The following TRMT5 variants were observed in gnomAD, a reference collection of about 807,000 sequenced individuals.
TRMT5 encodes tRNA methyltransferase 5.
TRMT5 carries 31 observed loss-of-function variants against 42.2 expected under a neutral mutation model. The ratio of observed to expected loss-of-function variants is 0.73; its 90% CI spans 0.55 to 0.99. The LOEUF is 0.99. Ranked by LOEUF, TRMT5 falls within the 50% of genes least tolerant of loss-of-function variation. The pLI is 0.00. For missense variants in TRMT5, 568 were observed against 595.0 expected (o/e 0.95, Z 0.47); for synonymous variants, 198 against 209.6 (o/e 0.94, Z 0.48).
At chr14:60,977,758 G>A (rs1000757090) in intron 2 of TRMT5, 120 bp from the exon 3 acceptor site, 3 of 903,956 alleles carry the variant, frequency 3.3e-6, no homozygotes, top group African/African-American at 3.4e-5. Flanking sequence ...TGCACCTACT[G>A]TGTGTAATGT....
intron 2 of TRMT5, among the ~76,000 whole-genome samples, chr14:60,977,994 G>C (rs1374015254): frequency 6.6e-6 from 1 of 152,160 alleles, no homozygotes; most frequent in Admixed American, 6.6e-5. Context: ...GAGATGTAAA[G>C]GACCCTGGCA....
At position 60,975,619 on chromosome 14, in the gene TRMT5, T is replaced by C; in HGVS notation, c.1300A>G (p.Arg434Gly). 6.2e-7 allele frequency: 1 copy of C among 1,614,158 alleles called. No individual in the cohort carries two copies. The highest frequency in any genetic ancestry group is 1.1e-5 in the South Asian group (1 of 91,080). ...DANPAEDVRQ[R>G]AGAVLGISLE... Reference sequence around the variant, plus strand: ...GAAATGCCTAACACAGCTCCAGCCCTTTGCCGAACATCCTCAGCAGGGTTA... The same window carrying C: ...GAAATGCCTAACACAGCTCCAGCCCCTTGCCGAACATCCTCAGCAGGGTTA... Residue 434 changes from arginine to glycine, a missense_variant, in exon 4 of 5, where the codon AGG becomes GGG. By Grantham distance (125) the Arg-to-Gly change is moderately radical. Coordinates refer to ENST00000261249, the MANE Select transcript of TRMT5 (RefSeq NM_020810.3).
rs543451651 is a variant in TRMT5, at chr14:60,979,627, T to C, written c.271A>G (p.Lys91Glu). 2.5e-6 allele frequency: 4 copies of C among 1,614,182 alleles called. No homozygotes were observed. The highest frequency in any genetic ancestry group is 2.7e-5 in the African/African-American group (2 of 75,062). ...GMTKLDRTAF[K>E]KTVNIPVLKV... is the part of the protein sequence containing the mutation. ...AGCACTGGAATGTTGACTGTCTTTTTAAAAGCTGTTCTATCAAGTTTTGTC... is the reference window on the plus strand; with the variant it reads ...AGCACTGGAATGTTGACTGTCTTTTCAAAAGCTGTTCTATCAAGTTTTGTC... Residue 91 changes from lysine to glutamate, a missense_variant, in exon 2 of 5, where the codon AAA (lysine) becomes GAA (glutamate). Coordinates refer to ENST00000261249, the MANE Select transcript of TRMT5 (RefSeq NM_020810.3).
At chr14:60,981,314 G>T (rs1435703837), upstream of TRMT5, 5 of 1,610,642 alleles carry the variant, frequency 3.1e-6, no homozygotes, top group Non-Finnish European at 4.2e-6. Context: ...CGCTGAGCGG[G>T]GCTGGTATGT....
chr14:60,973,194 T>C lies in TRMT5; in HGVS notation c.*1915A>G, dbSNP rs1397377832. 6.6e-6 allele frequency: 1 copy of C among 152,230 alleles called. No individual in the cohort carries two copies. The allele number at this position is 152,230 out of a possible 1,614,324, so 9.4% of individuals were successfully genotyped here. ...ATGACTGTACCATATCAAAGTTGTT[T>C]TGCCTTGTGTTTTAGGCCATTCTTG... On this transcript the variant is annotated 3_prime_UTR_variant, in exon 5 of 5. Coordinates refer to ENST00000261249, the MANE Select transcript of TRMT5 (RefSeq NM_020810.3).
Position 60,975,967 on chromosome 14 carries a change from T to C in TRMT5, c.952A>G (p.Lys318Glu), listed in dbSNP as rs1252506509. The C allele has an allele frequency of 1.2e-6, 2 of 1,614,190 alleles. No individual in the cohort carries two copies. Among genetic ancestry groups the C allele is most frequent in the Admixed American group, 1.7e-5 (1 of 60,024 alleles). Reference protein sequence around the residue: ...GVGPFAIPVAKKNCTVFANDL... With the variant: ...GVGPFAIPVAEKNCTVFANDL... ...TTGGCAAATACAGTGCAGTTTTTCTTTGCTACTGGAATGGCAAAGGGCCCA... is the reference window on the plus strand; with the variant it reads ...TTGGCAAATACAGTGCAGTTTTTCTCTGCTACTGGAATGGCAAAGGGCCCA... Residue 318 changes from lysine to glutamate, a missense_variant, in exon 4 of 5, where the codon AAG (lysine) becomes GAG (glutamate). Transcript: ENST00000261249.
Position 60,979,383 on chromosome 14 carries a change from T to C in TRMT5, c.515A>G (p.Asn172Ser), listed in dbSNP as rs750331726. Residue 172 changes from asparagine to serine, a missense_variant, in exon 2 of 5, where the codon AAT becomes AGT. By Grantham distance (46) the Asn-to-Ser change is conservative. Coordinates refer to ENST00000261249, the MANE Select transcript of TRMT5 (RefSeq NM_020810.3). ...LNVSPQISKY[N>S]LELTYEHFKS... ...AAAGTGTTCATATGTTAGTTCCAAA[T>C]TGTATTTAGAGATCTGTGGACTGAC... The C allele has an allele frequency of 3.1e-6, 5 of 1,614,150 alleles. No homozygotes were observed. In the East Asian group the frequency reaches 6.7e-5, roughly 22 times the overall value.
At position 60,972,462 on chromosome 14, in the gene TRMT5, G is replaced by C. The variant is rs1447924177; in HGVS notation, c.*2647C>G. The C allele has an allele frequency of 2.2e-5, 11 of 508,660 alleles. No individual in the cohort carries two copies. In the East Asian group the frequency reaches 3.3e-4, roughly 15 times the overall value. The allele number at this position is 508,660 out of a possible 1,614,324, so 31.5% of individuals were successfully genotyped here. A position where few individuals can be genotyped will look rare whatever the true frequency, so the allele number is the denominator to read the frequency against. On this transcript the variant is annotated 3_prime_UTR_variant, in exon 5 of 5. Transcript: ENST00000261249. ...AGCATCCCCTTCAGTCTTTCTCTTG[G>C]GCATGGCGGCGGCGGCGGCGGCGGG... is the stretch of plus-strand genomic sequence containing the variant.
upstream of TRMT5, chr14:60,981,109 C>T (rs1310715256): frequency 1.9e-6 from 3 of 1,580,152 alleles, no homozygotes; most frequent in Non-Finnish European, 2.6e-6. Context: ...GCGAAGAGGG[C>T]GCGCGTCATC....
intron 1 of TRMT5, 114 bp downstream of exon 1, chr14:60,980,849 C>CGGGT (rs750438504): frequency 1.3e-6 from 2 of 1,502,076 alleles, no homozygotes; most frequent in Non-Finnish European, 1.8e-6. Context: ...AGCACCTAGG[C>CGGGT]GGGTGGGTGA....
Position 60,972,485 on chromosome 14 carries a change from G to C in TRMT5, c.*2624C>G. The C allele has an allele frequency of 2.1e-6, 1 of 480,308 alleles. No individual in the cohort carries two copies. The highest frequency in any genetic ancestry group is 4.1e-6 in the Non-Finnish European group (1 of 241,286). 29.8% of individuals were successfully genotyped at this position (480,308 alleles called of 1,614,324 possible). A position where few individuals can be genotyped will look rare whatever the true frequency, so the allele number is the denominator to read the frequency against. ...TGGGCATGGCGGCGGCGGCGGCGGC[G>C]GGATGTGGGCACCGGGTGTGGGACG... On this transcript the variant is annotated 3_prime_UTR_variant, in exon 5 of 5. Coordinates refer to ENST00000261249, the MANE Select transcript of TRMT5 (RefSeq NM_020810.3).
At chr14:60,980,025 C>T (rs2036923369) in intron 1 of TRMT5, 139 bp from the exon 2 acceptor site, 1 of 966,574 alleles carries the variant, frequency 1.0e-6, no homozygotes, top group Non-Finnish European at 1.5e-6. Context: ...CTTTTCCAGA[C>T]TAGGATGACT....
In TRMT5 at chr14:60,971,583, C is replaced by G. The variant is rs769249802; in HGVS notation, c.*3526G>C. On this transcript the variant is annotated 3_prime_UTR_variant, in exon 5 of 5. Coordinates refer to ENST00000261249, the MANE Select transcript of TRMT5 (RefSeq NM_020810.3). ...TCTTCTTCAATGGACTACCAAAAAT[C>G]AGCCGCTATAAAACCCAATGAAGTC... The G allele has an allele frequency of 1.1e-5, 2 of 178,512 alleles. No homozygotes were observed. Among genetic ancestry groups the G allele is most frequent in the Non-Finnish European group, 2.3e-5 (2 of 87,948 alleles). The allele number at this position is 178,512 out of a possible 1,614,324, so 11.1% of individuals were successfully genotyped here. A position where few individuals can be genotyped will look rare whatever the true frequency, so the allele number is the denominator to read the frequency against.
chr14:60,976,057 C>G lies in TRMT5; in HGVS notation c.862G>C (p.Glu288Gln). 6.2e-7 allele frequency: 1 copy of G among 1,614,138 alleles called. No homozygotes were observed. The highest frequency in any genetic ancestry group is 8.5e-7 in the Non-Finnish European group (1 of 1,180,016). Residue 288 changes from glutamate to glutamine, a missense_variant, in exon 4 of 5, where the codon GAA (glutamate) becomes CAA (glutamine). Glu to Gln is a conservative substitution (Grantham distance 29). Transcript: ENST00000261249. ...KVYWNPRLST[E>Q]HSRITELLKP... ...AGAAGTTCTGTGATACGGCTGTGTT[C>G]TGTAGACAGACGAGGATTCCAATAG...
Position 60,975,743 on chromosome 14 carries a change from A to G in TRMT5, c.1176T>C (p.Ala392=). 1 of 1,614,234 alleles carries G rather than the reference A, an allele frequency of 6.2e-7. No individual in the cohort carries two copies. Among genetic ancestry groups the G allele is most frequent in the Non-Finnish European group, 8.5e-7 (1 of 1,180,042 alleles). The change falls in exon 4 of 5, where the codon GCT becomes GCC. Residue 392 remains alanine (A), a synonymous_variant. Transcript: ENST00000261249. ...ACTTGAAAGCACTAAGAAACTCTAT[A>G]GCTTTTGCTGGCAAGTTCATGACAA... ...VHVVMNLPAK[A]IEFLSAFKWL... is the part of the protein sequence containing the mutation.
In TRMT5 at chr14:60,975,891, T is replaced by C; in HGVS notation, c.1028A>G (p.Asn343Ser). 6.2e-7 allele frequency: 1 copy of C among 1,614,108 alleles called. No individual in the cohort carries two copies. The highest frequency in any genetic ancestry group is 2.2e-5 in the East Asian group (1 of 44,902). Residue 343 changes from asparagine (N) to serine (S), a missense_variant, in exon 4 of 5, where the codon AAT (asparagine) becomes AGT (serine). Transcript: ENST00000261249. ...GACTTTCACCTTTTGGTCCACTTTA[T>C]TTAATTTACAGTTGTACAACAGCCA... ...HKWLLYNCKL[N>S]KVDQKVKVFN...
At position 60,979,488 on chromosome 14, in the gene TRMT5, A is replaced by C; in HGVS notation, c.410T>G (p.Leu137Arg). Residue 137 changes from leucine (L) to arginine (R), a missense_variant, in exon 2 of 5, where the codon CTA becomes CGA. Transcript: ENST00000261249. ...TATTTTATAGGGATCCAACATGATT[A>C]GTCTACTTTCTTTATCTTCCGGATC... ...IEDPEDKESRLIMLDPYKIFT... is the reference protein window; with the variant it reads ...IEDPEDKESRRIMLDPYKIFT... The C allele has an allele frequency of 6.2e-7, 1 of 1,614,234 alleles. No individual in the cohort carries two copies. The highest frequency in any genetic ancestry group is 8.5e-7 in the Non-Finnish European group (1 of 1,180,032).
chr14:60,972,190 G>A lies in TRMT5; in HGVS notation c.*2919C>T. ...CTGCATTTTTATAAAACTTGATAAAGAATATTTCAAACTGTACAGTCACCA... is the reference window on the plus strand; with the variant it reads ...CTGCATTTTTATAAAACTTGATAAAAAATATTTCAAACTGTACAGTCACCA... On this transcript the variant is annotated 3_prime_UTR_variant, in exon 5 of 5. Coordinates refer to ENST00000261249, the MANE Select transcript of TRMT5 (RefSeq NM_020810.3). 1 of 461,608 alleles carries A rather than the reference G, an allele frequency of 2.2e-6. No individual in the cohort carries two copies. Among genetic ancestry groups the A allele is most frequent in the South Asian group, 1.6e-5 (1 of 60,808 alleles). The allele number at this position is 461,608 out of a possible 1,614,324, so 28.6% of individuals were successfully genotyped here. A position where few individuals can be genotyped will look rare whatever the true frequency, so the allele number is the denominator to read the frequency against.
At chr14:60,976,921 T>C (rs2036855684) in intron 3 of TRMT5, among the ~76,000 whole-genome samples, 1 of 152,174 alleles carries the variant, frequency 6.6e-6, no homozygotes, top group African/African-American at 2.4e-5. Flanking sequence ...TTAAACTCAT[T>C]AATTTATGCA....
Sources: gnomAD v4.1 joint callset for allele counts (sites outside exome capture counted in the v4.1 genomes callset) on GRCh38, gnomAD v4.1.1 for gene constraint, MANE v1.5 for transcripts, NCBI Gene and HGNC (gene_info 2026-07-23, HGNC 2026-07-21) for gene names.